The following CDH17 variants were observed in gnomAD, a reference collection of about 807,000 sequenced individuals.
CDH17 encodes cadherin 17.
Under a neutral mutation model 86.3 loss-of-function variants are expected in CDH17, and 67 were observed. The observed-to-expected ratio is 0.78, with a 90% CI of 0.64 to 0.95. CDH17 has a LOEUF of 0.95. Among genes scored for constraint, CDH17 ranks in the 40% least tolerant of loss-of-function variants. The pLI is 0.00. For synonymous variants in CDH17, 367 were observed against 366.4 expected, an observed-to-expected ratio of 1.00 and a Z score of -0.02; for missense variants, 993 against 1,017.6, an observed-to-expected ratio of 0.98 and a Z score of 0.33.
intron 11 of CDH17, among the ~76,000 whole-genome samples, chr8:94,161,788 G>A (rs1403230713): frequency 1.3e-5 from 2 of 152,088 alleles, no homozygotes; most frequent in Admixed American, 6.5e-5. Flanking sequence ...ACTGTAAGCC[G>A]CCATTCACCT....
At chr8:94,198,602 A>G (rs371089364) in intron 1 of CDH17, among the ~76,000 whole-genome samples, 3 of 152,096 alleles carry the variant, frequency 2.0e-5, no homozygotes, top group African/African-American at 7.2e-5. Context: ...CTCAGCATTC[A>G]AGATCTTTCA....
rs758016278 is a variant in CDH17, at chr8:94,146,010, C to A, written c.2085G>T (p.Gln695His). 1.2e-6 allele frequency: 2 copies of A among 1,613,932 alleles called. No individual in the cohort carries two copies. Among genetic ancestry groups the A allele is most frequent in the South Asian group, 2.2e-5 (2 of 91,040 alleles). The change falls in exon 15 of 18, where the codon CAG (glutamine) becomes CAT (histidine). Residue 695 changes from glutamine to histidine, a missense_variant. Transcript: ENST00000027335. ...TAAAATGGGGACCCCGAAATAAGTG[C>A]TGATCATCATCAGTAGCCTCGAAAA... ...SLIFEATDDD[Q>H]HLFRGPHFTF...
intron 1 of CDH17, among the ~76,000 whole-genome samples, chr8:94,208,003 TTGC>T (rs1814061981): frequency 6.6e-6 from 1 of 152,214 alleles, no homozygotes; most frequent in Non-Finnish European, 1.5e-5. Flanking sequence ...GTTCCCTCCC[TTGC>T]TGTGTCCTAG....
intron 12 of CDH17, among the ~76,000 whole-genome samples, chr8:94,152,676 G>A (rs1442991287): frequency 6.6e-6 from 1 of 152,110 alleles, no homozygotes; most frequent in African/African-American, 2.4e-5. Flanking sequence ...GGGATTACAG[G>A]TATGAGCCAC....
chr8:94,206,479 G>A (rs1002438023), intron 1 of CDH17, among the ~76,000 whole-genome samples: 1 of 152,030 alleles, frequency 6.6e-6, no homozygotes, highest in Non-Finnish European at 1.5e-5. Flanking sequence ...ACTGTTTGTC[G>A]GCCTCCAGAG....
At chr8:94,196,610 G>A (rs1813790808) in intron 1 of CDH17, among the ~76,000 whole-genome samples, 1 of 152,226 alleles carries the variant, frequency 6.6e-6, no homozygotes, top group African/African-American at 2.4e-5. Context: ...TGATACAGGA[G>A]CTGGAAATAA....
chr8:94,131,839 C>A (rs964895880), intron 15 of CDH17, among the ~76,000 whole-genome samples: 1 of 152,160 alleles, frequency 6.6e-6, no homozygotes, highest in Admixed American at 6.5e-5. Flanking sequence ...ACCCCCACCC[C>A]CTGACAGGCT....
intron 1 of CDH17, among the ~76,000 whole-genome samples, chr8:94,214,708 G>GAAAGACAATT (rs1424208902): frequency 1.3e-5 from 2 of 152,110 alleles, no homozygotes; most frequent in Non-Finnish European, 2.9e-5. Context: ...TTAAGAAAGT[G>GAAAGACAATT]AAAGACAATT....
In CDH17 at chr8:94,196,915, A is replaced by G. The variant is rs572398207; in HGVS notation, c.-20-2210T>C. On this transcript the variant is annotated intron_variant, in intron 1 of 17. Transcript: ENST00000027335. ...GCCAGGTAGAGAATCCATCTGCATA[A>G]TAAAAGATTAGGCCAGCTTCTTCAA... Among the ~76,000 whole-genome samples, 165 of 152,318 alleles carry G rather than the reference A, an allele frequency of 1.1e-3. 3 individuals carry two copies. The highest frequency in any genetic ancestry group is 3.6e-3 in the African/African-American group (150 of 41,568).
At chr8:94,145,807 G>T in intron 15 of CDH17, 121 bp downstream of exon 15, 1 of 1,123,152 alleles carries the variant, frequency 8.9e-7, no homozygotes, top group Non-Finnish European at 1.3e-6. Context: ...TCCAAAGCAT[G>T]AACTTCCTTC....
intron 1 of CDH17, among the ~76,000 whole-genome samples, chr8:94,198,673 T>A (rs987116535): frequency 6.6e-6 from 1 of 152,098 alleles, no homozygotes; most frequent in Non-Finnish European, 1.5e-5. Context: ...CAGTCACACC[T>A]CCACCCAGAT....
intron 15 of CDH17, among the ~76,000 whole-genome samples, chr8:94,135,099 T>C: frequency 6.6e-6 from 1 of 152,180 alleles, no homozygotes; most frequent in Non-Finnish European, 1.5e-5. Context: ...AATTTTGGCA[T>C]AAGTGCTATG....
At chr8:94,216,622 A>G (rs1015475328) in intron 1 of CDH17, among the ~76,000 whole-genome samples, 5 of 151,802 alleles carry the variant, frequency 3.3e-5, no homozygotes, top group Non-Finnish European at 5.9e-5. Context: ...AGTATGAGAA[A>G]CAAAGGGAAT....
At chr8:94,168,410 T>C (rs915858668) in intron 9 of CDH17, among the ~76,000 whole-genome samples, 5 of 149,488 alleles carry the variant, frequency 3.3e-5, no homozygotes, top group Middle Eastern at 3.4e-3. Flanking sequence ...AAGTGCTGGG[T>C]GGGATTACAG....
chr8:94,182,404 A>G (rs528349293), intron 3 of CDH17, among the ~76,000 whole-genome samples: 11 of 152,164 alleles, frequency 7.2e-5, no homozygotes, highest in Non-Finnish European at 1.5e-4. Context: ...CCAGCAACAT[A>G]TGAAAAGTAT....
At chr8:94,140,185 G>T (rs1485257788) in intron 15 of CDH17, among the ~76,000 whole-genome samples, 1 of 152,186 alleles carries the variant, frequency 6.6e-6, no homozygotes, top group Non-Finnish European at 1.5e-5. Flanking sequence ...ATTTTGGGAG[G>T]CTGAGGTGGG....
Position 94,176,542 on chromosome 8 carries a change from T to C in CDH17, c.423A>G (p.Pro141=). Residue 141 remains proline (P), a splice_region_variant and synonymous_variant, in exon 5 of 18, where the codon CCA becomes CCG. Transcript: ENST00000027335. Reference sequence around the variant, plus strand: ...ATATCTCTGGCCCCTGCCTGTTACCTGGGCGAGAGTTCTGCCTTACTGAGC... The same window carrying C: ...ATATCTCTGGCCCCTGCCTGTTACCCGGGCGAGAGTTCTGCCTTACTGAGC... The part of the protein sequence containing the change: ...YEGSVRQNSR[P]GKPFLYVNAT... 2 of 1,613,556 alleles carry C rather than the reference T, an allele frequency of 1.2e-6. No homozygotes were observed. Among genetic ancestry groups the C allele is most frequent in the Non-Finnish European group, 1.7e-6 (2 of 1,179,670 alleles).
chr8:94,167,202 T>C (rs1258443624), intron 9 of CDH17, among the ~76,000 whole-genome samples: 1 of 152,162 alleles, frequency 6.6e-6, no homozygotes, highest in Non-Finnish European at 1.5e-5. Flanking sequence ...TGTGAGGGTT[T>C]CAGTCCAGGG....
intron 15 of CDH17, among the ~76,000 whole-genome samples, chr8:94,140,794 ATT>A: frequency 6.6e-6 from 1 of 152,320 alleles, no homozygotes; most frequent in East Asian, 1.9e-4. Flanking sequence ...AAATAGATGA[ATT>A]ATTTGAAAGG....
Sources: gnomAD v4.1 joint callset for allele counts (sites outside exome capture counted in the v4.1 genomes callset) on GRCh38, gnomAD v4.1.1 for gene constraint, MANE v1.5 for transcripts, NCBI Gene and HGNC (gene_info 2026-07-23, HGNC 2026-07-21) for gene names.